The following PPP2R3B variants were observed in gnomAD, a reference collection of about 807,000 sequenced individuals.
The protein encoded by PPP2R3B is serine/threonine-protein phosphatase 2A regulatory subunit B'' subunit beta.
PPP2R3B carries 68 observed loss-of-function variants against 72.9 expected under a neutral mutation model. That is an observed-to-expected ratio of 0.93 (90% CI 0.77 to 1.14). The LOEUF is 1.14. Ranked by LOEUF, PPP2R3B falls within the 50% of genes most tolerant of loss-of-function variation. The pLI is 0.00. For missense variants in PPP2R3B, 1,018 were observed against 842.0 expected, an observed-to-expected ratio of 1.21 and a Z score of -2.59; for synonymous variants, 466 against 375.8, an observed-to-expected ratio of 1.24 and a Z score of -2.78.
chrX:342,241 G>A (rs1453573307), intron 7 of PPP2R3B: 2 of 548,186 alleles, frequency 3.6e-6, no homozygotes, highest in South Asian at 2.1e-5. Flanking sequence ...GAGAGACCTC[G>A]AGTGTGATCA....
intron 2 of PPP2R3B, among the ~76,000 whole-genome samples, chrX:354,356 C>T (rs1373615050): frequency 1.3e-5 from 2 of 149,264 alleles, no homozygotes; most frequent in East Asian, 2.0e-4. Flanking sequence ...GCTACCCCTG[C>T]GTGGCCGGGC....
intron 1 of PPP2R3B, among the ~76,000 whole-genome samples, chrX:384,877 C>A (rs770449795): frequency 3.5e-5 from 5 of 143,872 alleles, no homozygotes; most frequent in South Asian, 4.6e-4. Context: ...CACAGCTACT[C>A]GGGAGGCTGA....
At position 347,539 on chromosome X, in the gene PPP2R3B, G is replaced by A. The variant is rs774119421; in HGVS notation, c.614+51C>T. On this transcript the variant is annotated intron_variant, in intron 3 of 12. Transcript: ENST00000390665. ...ACCCGTCCTGGCACCACGGGGACCC[G>A]GGGACGCCTCCGCCCTCCCGACACA... The A allele has an allele frequency of 3.8e-5, 57 of 1,514,498 alleles. 1 individual carries two copies. Among genetic ancestry groups the A allele is most frequent in the African/African-American group, 9.7e-5 (7 of 72,212 alleles). The allele number at this position is 1,514,498 out of a possible 1,614,324, so 93.8% of individuals were successfully genotyped here. A position where few individuals can be genotyped will look rare whatever the true frequency, so the allele number is the denominator to read the frequency against.
intron 7 of PPP2R3B, among the ~76,000 whole-genome samples, chrX:344,264 G>C: frequency 7.2e-6 from 1 of 139,614 alleles, no homozygotes; most frequent in East Asian, 2.2e-4. Flanking sequence ...ACCAAGGAGA[G>C]GCGGGAGTGA....
At chrX:360,601 G>A (rs2071519084) in intron 2 of PPP2R3B, among the ~76,000 whole-genome samples, 1 of 152,232 alleles carries the variant, frequency 6.6e-6, no homozygotes, top group East Asian at 1.9e-4. Context: ...TGCAGAGCTG[G>A]AGAGGGCTGG....
intron 8 of PPP2R3B, 48 bp from the exon 9 acceptor site, chrX:341,444 G>A (rs1388716476): frequency 1.3e-6 from 2 of 1,594,566 alleles, no homozygotes; most frequent in Non-Finnish European, 1.7e-6. Context: ...GTCAGGGAGA[G>A]CTTCACAGGA....
Position 341,666 on chromosome X carries a change from T to C in PPP2R3B, c.1085+217A>G, listed in dbSNP as rs143840668. ...CGACAAGAACCCCCGACCTGGGGCCTGGGCCACCCCCTTCCTCAGACTTCG... is the reference window on the plus strand; with the variant it reads ...CGACAAGAACCCCCGACCTGGGGCCCGGGCCACCCCCTTCCTCAGACTTCG... On this transcript the variant is annotated intron_variant, in intron 8 of 12. Coordinates refer to ENST00000390665, the MANE Select transcript of PPP2R3B (RefSeq NM_013239.5). The C allele has an allele frequency of 0.02, 13,438 of 662,940 alleles. 1,237 individuals are homozygous for C. In the African/African-American group the frequency reaches 0.21, roughly 10 times the overall value. The allele number at this position is 662,940 out of a possible 1,614,324, so 41.1% of individuals were successfully genotyped here. A position where few individuals can be genotyped will look rare whatever the true frequency, so the allele number is the denominator to read the frequency against.
In PPP2R3B at chrX:334,405, C is replaced by T. The variant is rs768289376; in HGVS notation, c.1690G>A (p.Glu564Lys). 37 of 1,585,024 alleles carry T rather than the reference C, an allele frequency of 2.3e-5. No individual in the cohort carries two copies. The highest frequency in any genetic ancestry group is 5.4e-5 in the Admixed American group (3 of 56,032). The part of the protein sequence containing the change: ...PSPLGAVDLY[E>K]YACGDEDLEP... Reference sequence around the variant, plus strand: ...AGGTCCTCGTCCCCGCATGCGTACTCGTACAGGTCCACGGCGCCCAGCGGT... The same window carrying T: ...AGGTCCTCGTCCCCGCATGCGTACTTGTACAGGTCCACGGCGCCCAGCGGT... Residue 564 changes from glutamate (E) to lysine (K), a missense_variant, in exon 13 of 13, where the codon GAG becomes AAG. By Grantham distance (56) the Glu-to-Lys change is moderately conservative. Coordinates refer to ENST00000390665, the MANE Select transcript of PPP2R3B (RefSeq NM_013239.5).
intron 1 of PPP2R3B, 121 bp downstream of exon 1, chrX:386,247 A>C: frequency 1.4e-6 from 1 of 737,660 alleles, no homozygotes; most frequent in Non-Finnish European, 1.9e-6. Flanking sequence ...CGGGGAACAG[A>C]CTCAATATGA....
chrX:336,574 C>T (rs2070894813), intron 12 of PPP2R3B: 1 of 152,270 alleles, frequency 6.6e-6, no homozygotes, highest in Non-Finnish European at 1.5e-5. Context: ...GTAACGTACA[C>T]AGAGAGGTGA....
At chrX:366,592 G>A (rs868662433) in intron 1 of PPP2R3B, among the ~76,000 whole-genome samples, 125 of 4,532 alleles carry the variant, frequency 0.028, 20 homozygotes, top group Middle Eastern at 0.11. Context: ...CAGCTACTCG[G>A]GAGGCTGAGG....
chrX:378,272 G>A (rs1268677469), intron 1 of PPP2R3B, among the ~76,000 whole-genome samples: 1 of 152,166 alleles, frequency 6.6e-6, no homozygotes, highest in Non-Finnish European at 1.5e-5. Flanking sequence ...AACCTCTAAA[G>A]GCTCCTAAAA....
intron 2 of PPP2R3B, 96 bp downstream of exon 2, chrX:361,305 TCACG>T: frequency 7.3e-7 from 1 of 1,363,388 alleles, no homozygotes; most frequent in Non-Finnish European, 1.0e-6. Context: ...GCCGCCTCAC[TCACG>T]CTCGTGTGAC....
At chrX:334,652 G>T in intron 12 of PPP2R3B, 135 bp from the exon 13 acceptor site, 2 of 1,056,052 alleles carry the variant, frequency 1.9e-6, no homozygotes, top group Non-Finnish European at 2.5e-6. Context: ...AGCTCCAGCC[G>T]CTGAGCCAGC....
At chrX:347,558 C>G (rs754323094) in intron 3 of PPP2R3B, 32 bp downstream of exon 3, 2 of 1,552,466 alleles carry the variant, frequency 1.3e-6, no homozygotes, top group Non-Finnish European at 1.7e-6. Context: ...TCCGCCCTCC[C>G]GACACAGCCC....
At chrX:363,081 A>G (rs2071575851) in intron 1 of PPP2R3B, among the ~76,000 whole-genome samples, 1 of 152,044 alleles carries the variant, frequency 6.6e-6, no homozygotes, top group South Asian at 2.1e-4. Flanking sequence ...CGCCTCCGTG[A>G]CCTGGGGCAG....
chrX:386,717 C>A lies in PPP2R3B; in HGVS notation c.-26G>T. ...GGCGGGGGCTGGGCCCGCGGCGCCC[C>A]CGGACGCCCGCGCCCCGCCCCGCCC... On this transcript the variant is annotated 5_prime_UTR_variant, in exon 1 of 13. Coordinates refer to ENST00000390665, the MANE Select transcript of PPP2R3B (RefSeq NM_013239.5). The A allele has an allele frequency of 2.4e-6, 3 of 1,229,860 alleles. No individual in the cohort carries two copies. The highest frequency in any genetic ancestry group is 3.0e-6 in the Non-Finnish European group (3 of 990,256). 76.2% of individuals were successfully genotyped at this position (1,229,860 alleles called of 1,614,324 possible).
At chrX:363,951 C>G (rs1435781597) in intron 1 of PPP2R3B, among the ~76,000 whole-genome samples, 1 of 152,274 alleles carries the variant, frequency 6.6e-6, no homozygotes, top group Non-Finnish European at 1.5e-5. Flanking sequence ...GAACCCTGGA[C>G]AGAATAGTTG....
In PPP2R3B at chrX:369,237, G is replaced by A. The variant is rs139186239; in HGVS notation, c.325-7647C>T. On this transcript the variant is annotated intron_variant, in intron 1 of 12. Transcript: ENST00000390665. ...TGGAAGAAGAATTCTAAAGCCAGCC[G>A]CCTGTTCATTAAAAAGTTCAGACAA... 5.3e-3 allele frequency among the ~76,000 whole-genome samples: 803 copies of A among 152,280 alleles called. 10 individuals carry two copies. Among genetic ancestry groups the A allele is most frequent in the African/African-American group, 0.018 (767 of 41,534 alleles).
Sources: allele counts gnomAD v4.1 joint callset (sites outside exome capture counted in the v4.1 genomes callset), GRCh38; gene constraint gnomAD v4.1.1; transcripts MANE v1.5; gene names NCBI Gene and HGNC (gene_info 2026-07-23, HGNC 2026-07-21).